The following DLGAP2 variants were observed in gnomAD, a reference collection of about 807,000 sequenced individuals.
The protein encoded by DLGAP2 is disks large-associated protein 2.
In DLGAP2, 26 loss-of-function variants were observed where a neutral mutation model predicts 100.3. That is an observed-to-expected ratio of 0.26 (90% CI 0.19 to 0.36). DLGAP2 has a LOEUF of 0.36. Among genes scored for constraint, DLGAP2 ranks in the 10% least tolerant of loss-of-function variants. The probability of loss-of-function intolerance (pLI) is 1.00; values close to 1 mark genes in which losing one functional copy is unlikely to be tolerated. For missense variants in DLGAP2, 1,858 were observed against 1,453.2 expected (o/e 1.28, Z -4.53); for synonymous variants, 886 against 630.1 (o/e 1.41, Z -6.08).
intron 2 of DLGAP2, among the ~76,000 whole-genome samples, chr8:1,255,008 T>TGTGTGTGTGTCCTCTCATCCTGTCC (rs1563043352): frequency 2.9e-5 from 1 of 33,932 alleles, no homozygotes; most frequent in African/African-American, 1.3e-4. Context: ...TCATCCTGCT[T>TGTGTGTGTGTCCTCTCATCCTGTCC]GGGCGCTGTG....
chr8:1,437,562 C>G lies in DLGAP2; in HGVS notation c.107-63804C>G, dbSNP rs1455830437. On this transcript the variant is annotated intron_variant, in intron 3 of 14. Coordinates refer to ENST00000637795, the MANE Select transcript of DLGAP2 (RefSeq NM_001346810.2). The stretch of plus-strand genomic sequence containing the variant: ...ACGTGGATGGATGGATCAGAGTACA[C>G]AGAACGCTATCTGAGTGGTGAATTA... Among the ~76,000 whole-genome samples, 6 of 152,182 alleles carry G rather than the reference C, an allele frequency of 3.9e-5. No individual in the cohort carries two copies. The East Asian group carries it at 1.2e-3, about 29-fold the overall frequency.
chr8:913,050 G>A (rs1305568350), intron 2 of DLGAP2, among the ~76,000 whole-genome samples: 1 of 152,206 alleles, frequency 6.6e-6, no homozygotes, highest in Non-Finnish European at 1.5e-5. Flanking sequence ...TTGTAACAGA[G>A]TGCTTCATTT....
At chr8:1,469,367 C>A (rs1267569728) in intron 3 of DLGAP2, among the ~76,000 whole-genome samples, 1 of 152,180 alleles carries the variant, frequency 6.6e-6, no homozygotes, top group African/African-American at 2.4e-5. Context: ...ATTCTGGCTC[C>A]TAGGAGCCGG....
chr8:1,037,334 T>G (rs2129029304), intron 2 of DLGAP2, among the ~76,000 whole-genome samples: 1 of 152,222 alleles, frequency 6.6e-6, no homozygotes, highest in South Asian at 2.1e-4. Context: ...TATCTCAAGC[T>G]CTTCCCGCCC....
At chr8:1,458,290 C>A (rs994772345) in intron 3 of DLGAP2, among the ~76,000 whole-genome samples, 1 of 152,122 alleles carries the variant, frequency 6.6e-6, no homozygotes, top group African/African-American at 2.4e-5. Flanking sequence ...TTTTAAAATT[C>A]TGGTCATTGA....
intron 2 of DLGAP2, among the ~76,000 whole-genome samples, chr8:966,078 G>A (rs548389153): frequency 2.6e-5 from 4 of 152,286 alleles, no homozygotes; most frequent in East Asian, 1.9e-4. Context: ...ACAGCTTCTC[G>A]CCAGACTCCC....
Position 1,163,524 on chromosome 8 carries a change from T to C in DLGAP2, c.74-95327T>C, listed in dbSNP as rs1340174009. On this transcript the variant is annotated intron_variant, in intron 2 of 14. Coordinates refer to ENST00000637795, the MANE Select transcript of DLGAP2 (RefSeq NM_001346810.2). ...CAAGATTCCAAAGACTCGGGAGCTG[T>C]AGGATTTGGGATTCATTAGCGAGTG... Among the ~76,000 whole-genome samples, 3 of 152,282 alleles carry C rather than the reference T, an allele frequency of 2.0e-5. No homozygotes were observed. The East Asian group carries it at 5.8e-4, about 30-fold the overall frequency.
intron 2 of DLGAP2, among the ~76,000 whole-genome samples, chr8:1,255,363 TGC>T (rs1366189811): frequency 2.7e-5 from 3 of 109,982 alleles, no homozygotes; most frequent in Non-Finnish European, 5.3e-5. Context: ...GCTGTGTGTG[TGC>T]CCTCTCATCC....
chr8:1,100,507 G>GGTGTGTGTGTGT lies in DLGAP2; in HGVS notation c.74-158338_74-158327dup, dbSNP rs112136851. 1.2e-3 allele frequency among the ~76,000 whole-genome samples: 177 copies of GGTGTGTGTGTGT among 151,168 alleles called. 1 individual carries two copies. Among genetic ancestry groups the GGTGTGTGTGTGT allele is most frequent in the Middle Eastern group, 6.8e-3 (2 of 292 alleles). ...GGGAAAAACATGTATTAGAGTTTGT[G>GGTGTGTGTGTGT]GTGTGTGTGTGTGTGTGCGTGCACG... is the stretch of plus-strand genomic sequence containing the variant. On this transcript the variant is annotated intron_variant, in intron 2 of 14. Coordinates refer to ENST00000637795, the MANE Select transcript of DLGAP2 (RefSeq NM_001346810.2).
intron 3 of DLGAP2, among the ~76,000 whole-genome samples, chr8:1,429,300 G>C (rs1797338189): frequency 6.6e-6 from 1 of 152,124 alleles, no homozygotes; most frequent in African/African-American, 2.4e-5. Flanking sequence ...TTACACGGGA[G>C]TTTGGTTTGC....
At chr8:1,212,304 GA>G (rs1318503806) in intron 2 of DLGAP2, among the ~76,000 whole-genome samples, 11 of 152,194 alleles carry the variant, frequency 7.2e-5, no homozygotes, top group Non-Finnish European at 1.5e-4. Flanking sequence ...TCTAAGGGAA[GA>G]AAACATTAGG....
intron 2 of DLGAP2, among the ~76,000 whole-genome samples, chr8:1,145,388 C>T (rs547906418): frequency 1.3e-5 from 2 of 152,306 alleles, no homozygotes; most frequent in South Asian, 4.1e-4. Context: ...TCCACTCGCC[C>T]AGCGTGGGGC....
chr8:850,609 A>G (rs984155955), intron 1 of DLGAP2, among the ~76,000 whole-genome samples: 4 of 152,166 alleles, frequency 2.6e-5, no homozygotes, highest in African/African-American at 9.7e-5. Context: ...GAATAGCCCA[A>G]TTAAATGTTG....
At chr8:1,132,829 C>T (rs552445053) in intron 2 of DLGAP2, among the ~76,000 whole-genome samples, 11 of 152,334 alleles carry the variant, frequency 7.2e-5, no homozygotes, top group African/African-American at 2.4e-4. Flanking sequence ...GTCGCTGGGG[C>T]TCATGGATCA....
intron 2 of DLGAP2, among the ~76,000 whole-genome samples, chr8:1,233,492 G>C (rs1798580190): frequency 6.6e-6 from 1 of 152,188 alleles, no homozygotes; most frequent in Non-Finnish European, 1.5e-5. Context: ...CAGAGCGCAG[G>C]GAAGGTTGGG....
chr8:1,429,543 A>T (rs1310846058), intron 3 of DLGAP2, among the ~76,000 whole-genome samples: 1 of 152,158 alleles, frequency 6.6e-6, no homozygotes, highest in Non-Finnish European at 1.5e-5. Flanking sequence ...AGGGACATGG[A>T]ACACTGCCCT....
Position 1,678,272 on chromosome 8 carries a change from C to G in DLGAP2, c.2347C>G (p.Leu783Val). The G allele has an allele frequency of 6.2e-7, 1 of 1,613,900 alleles. No individual in the cohort carries two copies. The highest frequency in any genetic ancestry group is 8.5e-7 in the Non-Finnish European group (1 of 1,179,856). The change falls in exon 12 of 15, where the codon CTG (leucine) becomes GTG (valine). Residue 783 changes from leucine (L) to valine (V), a missense_variant. By Grantham distance (32) the Leu-to-Val change is conservative (BLOSUM62 1). Transcript: ENST00000637795. ...GGCCGCCGTCCAAGCTGACCTGGAG[C>G]TGGAGGGGTTCCCAGGCCACATCAC... ...VTAAVQADLE[L>V]EGFPGHITTE...
At chr8:1,614,294 G>A (rs771247997) in intron 6 of DLGAP2, among the ~76,000 whole-genome samples, 2 of 152,204 alleles carry the variant, frequency 1.3e-5, no homozygotes, top group Non-Finnish European at 1.5e-5. Flanking sequence ...GAACAGCCGT[G>A]GGGCCTCTGC....
At chr8:918,630 G>A (rs1798644171) in intron 2 of DLGAP2, among the ~76,000 whole-genome samples, 1 of 152,220 alleles carries the variant, frequency 6.6e-6, no homozygotes, top group Middle Eastern at 3.2e-3. Context: ...ATACCTTGTG[G>A]ATAAAATACG....
Sources: allele counts gnomAD v4.1 joint callset (sites outside exome capture counted in the v4.1 genomes callset), GRCh38; gene constraint gnomAD v4.1.1; transcripts MANE v1.5; gene names NCBI Gene and HGNC (gene_info 2026-07-23, HGNC 2026-07-21).